Variants in MPPE1 observed in about 807,000 individuals in gnomAD.
MPPE1 encodes the protein metallo phosphoesterase.
A neutral mutation model predicts 43.8 loss-of-function variants in MPPE1; 28 were observed. That is an observed-to-expected ratio of 0.64 (90% CI 0.47 to 0.88). The LOEUF is 0.88. Ranked by LOEUF, MPPE1 falls within the 40% of genes least tolerant of loss-of-function variation. MPPE1 has a pLI of 0.00. For missense variants in MPPE1, 428 were observed against 492.2 expected (o/e 0.87, Z 1.23); for synonymous variants, 159 against 188.5 (o/e 0.84, Z 1.28).
chr18:11,888,630 G>A, intron 6 of MPPE1, 39 bp downstream of exon 6: 1 of 1,307,206 alleles, frequency 7.6e-7, no homozygotes, highest in East Asian at 2.3e-5. Flanking sequence ...AAGTTTCCAA[G>A]GACTAAAGGT....
At chr18:11,906,936 T>C (rs1188814439) in intron 1 of MPPE1, among the ~76,000 whole-genome samples, 1 of 152,108 alleles carries the variant, frequency 6.6e-6, no homozygotes, top group Non-Finnish European at 1.5e-5. Flanking sequence ...AGGGTCTCAC[T>C]CCACCGCCCA....
intron 2 of MPPE1, among the ~76,000 whole-genome samples, chr18:11,899,977 C>T (rs563092596): frequency 2.4e-4 from 37 of 152,118 alleles, no homozygotes; most frequent in Non-Finnish European, 5.0e-4. Context: ...TTTGGGAGGC[C>T]GAGGCGGGTG....
intron 4 of MPPE1, among the ~76,000 whole-genome samples, chr18:11,890,325 T>C (rs1211799137): frequency 6.6e-6 from 1 of 152,120 alleles, no homozygotes; most frequent in African/African-American, 2.4e-5. Flanking sequence ...TGTTGTTTTT[T>C]TGAGACAGGG....
intron 10 of MPPE1, 40 bp from the exon 11 acceptor site, chr18:11,884,667 C>T: frequency 6.3e-7 from 1 of 1,589,598 alleles, no homozygotes; most frequent in Non-Finnish European, 8.6e-7. Flanking sequence ...GAGCACCAGG[C>T]ACACGTTGAA....
At chr18:11,900,990 C>T (rs896222619) in intron 2 of MPPE1, among the ~76,000 whole-genome samples, 2 of 150,528 alleles carry the variant, frequency 1.3e-5, no homozygotes, top group Non-Finnish European at 3.0e-5. Context: ...AAGTTTAAAA[C>T]CTAACGGAAA....
intron 10 of MPPE1, chr18:11,884,841 C>A (rs2036946359): frequency 2.2e-6 from 3 of 1,385,034 alleles, no homozygotes; most frequent in Non-Finnish European, 2.8e-6. Flanking sequence ...CAAGTAAGGC[C>A]CAAGTGTGCC....
At chr18:11,901,191 G>C (rs1174378709) in intron 2 of MPPE1, among the ~76,000 whole-genome samples, 2 of 151,990 alleles carry the variant, frequency 1.3e-5, no homozygotes, top group East Asian at 3.9e-4. Flanking sequence ...TGTTTCATTA[G>C]AATGGCATTA....
intron 2 of MPPE1, among the ~76,000 whole-genome samples, chr18:11,901,888 A>AC (rs2039247542): frequency 1.3e-5 from 2 of 152,166 alleles, no homozygotes; most frequent in South Asian, 4.1e-4. Flanking sequence ...GATTTTAACT[A>AC]TGTCCTTTCA....
intron 3 of MPPE1, among the ~76,000 whole-genome samples, chr18:11,894,582 T>G (rs968559391): frequency 6.6e-5 from 10 of 152,140 alleles, no homozygotes; most frequent in Admixed American, 3.9e-4. Flanking sequence ...ATGGCGATTT[T>G]ATTTTATTTT....
intron 2 of MPPE1, among the ~76,000 whole-genome samples, chr18:11,901,403 A>T (rs767264459): frequency 6.6e-6 from 1 of 151,726 alleles, no homozygotes; most frequent in Non-Finnish European, 1.5e-5. Context: ...GTTAATTTTC[A>T]TATTATTAGT....
rs375075594 is a variant in MPPE1, at chr18:11,898,697, G to A, written c.-92-1341C>T. 4.8e-4 allele frequency among the ~76,000 whole-genome samples: 73 copies of A among 151,976 alleles called. 2 individuals are homozygous for A. Among genetic ancestry groups the A allele is most frequent in the South Asian group, 2.1e-4 (1 of 4,812 alleles). The stretch of plus-strand genomic sequence containing the variant: ...ACCCTGCTGGGACCCATATTTCATG[G>A]CTCAACTGATCCTATGACCCCACCC... On this transcript the variant is annotated intron_variant, in intron 2 of 10. Coordinates refer to ENST00000588072, the MANE Select transcript of MPPE1 (RefSeq NM_023075.6).
chr18:11,905,225 T>A (rs1424311683), intron 2 of MPPE1: 1 of 151,768 alleles, frequency 6.6e-6, no homozygotes, highest in Non-Finnish European at 1.5e-5. Context: ...GAAAATCAGT[T>A]GAACCTGGGA....
At chr18:11,884,881 G>C in intron 10 of MPPE1, 1 of 1,331,376 alleles carries the variant, frequency 7.5e-7, no homozygotes, top group East Asian at 3.4e-5. Flanking sequence ...ACACTGACCT[G>C]TCAAAACTGG....
intron 10 of MPPE1, chr18:11,884,987 G>A (rs767776107): frequency 3.1e-6 from 4 of 1,302,574 alleles, no homozygotes; most frequent in South Asian, 2.5e-5. Context: ...GGTCAGCGAG[G>A]AACAAGGAGG....
Position 11,885,824 on chromosome 18 carries a change from T to C in MPPE1, c.868-8A>G. On this transcript the variant is annotated splice_region_variant and splice_polypyrimidine_tract_variant and intron_variant, in intron 9 of 10. Coordinates refer to ENST00000588072, the MANE Select transcript of MPPE1 (RefSeq NM_023075.6). ...CTGGAGCCACCACAGCAGCTGACAG[T>C]GGCCGAGAAGACAGCAAAGCAGGCT... The C allele has an allele frequency of 6.2e-7, 1 of 1,601,584 alleles. No individual in the cohort carries two copies. Among genetic ancestry groups the C allele is most frequent in the Non-Finnish European group, 8.5e-7 (1 of 1,170,720 alleles).
Position 11,887,035 on chromosome 18 carries a change from A to T in MPPE1, c.570-10T>A, listed in dbSNP as rs1428741828. 6.2e-7 allele frequency: 1 copy of T among 1,600,304 alleles called. No homozygotes were observed. The highest frequency in any genetic ancestry group is 8.6e-7 in the Non-Finnish European group (1 of 1,169,352). ...GTTGACCATCACAAAGCTGAAGCGG[A>T]GGGAAACGCAGGTGAGGCCGCTGGG... On this transcript the variant is annotated splice_polypyrimidine_tract_variant and intron_variant, in intron 6 of 10. Transcript: ENST00000588072.
At chr18:11,905,182 C>G (rs2143410014) in intron 2 of MPPE1, 1 of 152,328 alleles carries the variant, frequency 6.6e-6, no homozygotes, top group Non-Finnish European at 1.5e-5. Context: ...TAGTGCACAC[C>G]TGTAATCCCA....
intron 4 of MPPE1, among the ~76,000 whole-genome samples, chr18:11,889,762 C>T (rs1267875383): frequency 6.6e-6 from 1 of 151,826 alleles, no homozygotes; most frequent in Admixed American, 6.6e-5. Flanking sequence ...TTAGTAGAGA[C>T]AGGGTTTCAC....
intron 2 of MPPE1, among the ~76,000 whole-genome samples, chr18:11,901,327 C>T (rs1269885062): frequency 6.6e-6 from 1 of 151,962 alleles, no homozygotes; most frequent in Non-Finnish European, 1.5e-5. Flanking sequence ...ACCTCCTGGG[C>T]TCAAGCAATC....
Sources: gnomAD v4.1 joint callset for allele counts (sites outside exome capture counted in the v4.1 genomes callset) on GRCh38, gnomAD v4.1.1 for gene constraint, MANE v1.5 for transcripts, NCBI Gene and HGNC (gene_info 2026-07-23, HGNC 2026-07-21) for gene names.